The following TENM1 variants were observed in gnomAD, a reference collection of about 807,000 sequenced individuals.
The protein encoded by TENM1 is teneurin-1.
TENM1 carries 35 observed loss-of-function variants against 174.8 expected under a neutral mutation model. That is an observed-to-expected ratio of 0.20 (90% CI 0.15 to 0.27). The LOEUF is 0.27. Ranked by LOEUF, TENM1 falls within the 10% of genes least tolerant of loss-of-function variation. TENM1 has a pLI of 1.00. For synonymous variants in TENM1, 781 were observed against 798.7 expected, an observed-to-expected ratio of 0.98 and a Z score of 0.37; for missense variants, 1,633 against 2,130.1, an observed-to-expected ratio of 0.77 and a Z score of 4.59.
At chrX:124,404,895 C>G in intron 27 of TENM1, 136 bp downstream of exon 30, 1 of 536,782 alleles carries the variant, frequency 1.9e-6, no homozygotes, top group Admixed American at 3.2e-5. Context: ...ATAAGCCAGT[C>G]AGTCACTTAG....
At chrX:124,789,859 C>T (rs1260731289) in intron 3 of TENM1, among the ~76,000 whole-genome samples, 3 of 111,815 alleles carry the variant, frequency 2.7e-5, no homozygotes, top group Non-Finnish European at 5.6e-5. Context: ...AAGTCGCTTC[C>T]ACATTTTTAG....
intron 3 of TENM1, among the ~76,000 whole-genome samples, chrX:124,858,117 C>A (rs1028670108): frequency 8.9e-6 from 1 of 111,912 alleles, no homozygotes; most frequent in Non-Finnish European, 1.9e-5. Context: ...TTCTCAAGGT[C>A]AAGGAAAATG....
At chrX:124,518,093 G>T (rs1432068617) in intron 18 of TENM1, among the ~76,000 whole-genome samples, 3 of 111,017 alleles carry the variant, frequency 2.7e-5, no homozygotes, top group African/African-American at 9.8e-5. Context: ...GGCATAACTG[G>T]TAAGCCTTCT....
At chrX:124,905,788 C>T (rs1432163671) in intron 1 of TENM1, among the ~76,000 whole-genome samples, 1 of 111,296 alleles carries the variant, frequency 9.0e-6, no homozygotes, top group Non-Finnish European at 1.9e-5. Context: ...TTCAGAGGGT[C>T]CCCCCTGCAT....
At chrX:124,436,337 G>A (rs1016151209) in intron 23 of TENM1, among the ~76,000 whole-genome samples, 5 of 110,883 alleles carry the variant, frequency 4.5e-5, no homozygotes, top group Non-Finnish European at 7.6e-5. Context: ...GAAGGGACTT[G>A]ATCCTTCCTG....
intron 18 of TENM1, among the ~76,000 whole-genome samples, chrX:124,509,769 G>A (rs2047537515): frequency 9.8e-6 from 1 of 102,234 alleles, no homozygotes; most frequent in South Asian, 4.7e-4. Flanking sequence ...TGCCCAGGCT[G>A]GAGTGCAGTG....
chrX:124,553,640 A>C (rs750000735), intron 14 of TENM1, among the ~76,000 whole-genome samples: 32 of 110,064 alleles, frequency 2.9e-4, no homozygotes, highest in African/African-American at 8.2e-4. Flanking sequence ...AAAAAAAAAA[A>C]AAAACAAATT....
chrX:124,550,397 A>C (rs1177859310), intron 14 of TENM1, among the ~76,000 whole-genome samples: 3 of 112,271 alleles, frequency 2.7e-5, no homozygotes, highest in African/African-American at 9.7e-5. Context: ...AGGTTATACA[A>C]AAGGATTTGA....
intron 23 of TENM1, among the ~76,000 whole-genome samples, chrX:124,440,130 G>A (rs536169004): frequency 9.8e-5 from 11 of 112,016 alleles, no homozygotes; most frequent in East Asian, 2.8e-4. Context: ...CTCCTTTGCC[G>A]TTCCAGAAGG....
chrX:124,477,694 G>A (rs1252309373), intron 22 of TENM1, among the ~76,000 whole-genome samples: 2 of 105,599 alleles, frequency 1.9e-5, no homozygotes, highest in Non-Finnish European at 3.9e-5. Context: ...GGAGGTTGCA[G>A]TGACCCATGA....
chrX:124,633,139 A>G (rs769972233), intron 11 of TENM1, among the ~76,000 whole-genome samples: 37 of 112,449 alleles, frequency 3.3e-4, no homozygotes, highest in African/African-American at 1.2e-3. Flanking sequence ...AAAATGACAA[A>G]TAGCCAGTGA....
the TENM1 span, among the ~76,000 whole-genome samples, chrX:125,001,852 TACACACACACACACAC>T: frequency 2.4e-5 from 2 of 84,926 alleles, no homozygotes; most frequent in Non-Finnish European, 4.6e-5. Context: ...TATAGATAGA[TACACACACACACACAC>T]ACACACACAC....
At position 124,577,401 on chromosome X, in the gene TENM1, G is replaced by A. The variant is rs3830101; in HGVS notation, c.2078-11841C>T. On this transcript the variant is annotated intron_variant, in intron 11 of 31. Coordinates refer to ENST00000422452, the Ensembl canonical transcript of TENM1. ...AAGCATGACAGGGGAGAAAAGAAAC[G>A]TAAAGAACCCAGAGTCAACAAAATC... 8.3e-5 allele frequency among the ~76,000 whole-genome samples: 9 copies of A among 108,694 alleles called. 1 individual carries two copies. The East Asian group carries it at 2.3e-3, about 28-fold the overall frequency. 94.4% of individuals were successfully genotyped at this position (108,694 alleles called of 115,157 possible). A position where few individuals can be genotyped will look rare whatever the true frequency, so the allele number is the denominator to read the frequency against.
At chrX:124,759,095 T>C (rs185144585) in intron 3 of TENM1, among the ~76,000 whole-genome samples, 33 of 111,908 alleles carry the variant, frequency 2.9e-4, no homozygotes, top group African/African-American at 1.1e-3. Flanking sequence ...GGAATATTTA[T>C]CTATAAATAA....
chrX:124,409,333 C>T (rs1473561873), intron 25 of TENM1, among the ~76,000 whole-genome samples: 2 of 110,454 alleles, frequency 1.8e-5, no homozygotes, highest in African/African-American at 6.6e-5. Context: ...ACCCTTCATG[C>T]TAAAAACTCT....
intron 18 of TENM1, among the ~76,000 whole-genome samples, chrX:124,514,931 T>C (rs1214200070): frequency 1.2e-4 from 13 of 110,312 alleles, no homozygotes; most frequent in Admixed American, 8.7e-4. Flanking sequence ...CTGATGAATA[T>C]TGATGCAAAA....
chrX:124,684,400 C>A (rs975089966), intron 5 of TENM1, among the ~76,000 whole-genome samples: 3 of 112,706 alleles, frequency 2.7e-5, no homozygotes, highest in African/African-American at 9.7e-5. Context: ...GCTTACACAG[C>A]ACAGTGTGGA....
the TENM1 span, among the ~76,000 whole-genome samples, chrX:125,146,138 T>C: frequency 8.9e-6 from 1 of 111,811 alleles, no homozygotes; most frequent in Non-Finnish European, 1.9e-5. Flanking sequence ...GTCATTCCTT[T>C]GGGTTGAAAC....
chrX:124,760,949 C>T (rs948867038), intron 3 of TENM1, among the ~76,000 whole-genome samples: 6 of 112,134 alleles, frequency 5.4e-5, no homozygotes, highest in African/African-American at 1.3e-4. Context: ...AAAAAATGCT[C>T]GTCATCACTG....
Sources: allele counts gnomAD v4.1 joint callset (sites outside exome capture counted in the v4.1 genomes callset), GRCh38; gene constraint gnomAD v4.1.1; transcripts MANE v1.5; gene names NCBI Gene and HGNC (gene_info 2026-07-23, HGNC 2026-07-21).